Variants in CYP19A1 observed in about 807,000 individuals in gnomAD.
CYP19A1 encodes cytochrome P450 family 19 subfamily A member 1, also known as aromatase.
In CYP19A1, 32 loss-of-function variants were observed where a neutral mutation model predicts 44.4. That is an observed-to-expected ratio of 0.72 (90% CI 0.54 to 0.97). CYP19A1 has a LOEUF of 0.97. Among genes scored for constraint, CYP19A1 ranks in the 50% least tolerant of loss-of-function variants. The pLI is 0.00. For missense variants in CYP19A1, 598 were observed against 637.8 expected, an observed-to-expected ratio of 0.94 and a Z score of 0.67; for synonymous variants, 212 against 215.6, an observed-to-expected ratio of 0.98 and a Z score of 0.14.
intron 1 of CYP19A1, among the ~76,000 whole-genome samples, chr15:51,335,268 C>CA (rs2036759041): frequency 6.6e-6 from 1 of 152,182 alleles, no homozygotes; most frequent in African/African-American, 2.4e-5. Context: ...AGCTCCACGT[C>CA]AAACAATGAG....
At chr15:51,285,064 G>A (rs2035651174) in intron 1 of CYP19A1, among the ~76,000 whole-genome samples, 1 of 152,230 alleles carries the variant, frequency 6.6e-6, no homozygotes, top group African/African-American at 2.4e-5. Flanking sequence ...ATAACATGGG[G>A]ACAGATCAAG....
rs989424694 is a variant in CYP19A1 at position 51,236,902 on chromosome 15, T to C, written c.253A>G (p.Met85Val). The C allele has an allele frequency of 3.1e-6, 5 of 1,614,220 alleles. No homozygotes were observed. The highest frequency in any genetic ancestry group is 2.5e-6 in the Non-Finnish European group (3 of 1,180,028). Residue 85 changes from methionine to valine, a missense_variant, in exon 3 of 10, where the codon ATG becomes GTG. Coordinates refer to ENST00000396402, the MANE Select transcript of CYP19A1 (RefSeq NM_000103.4). ...TCCTCTCCAGAGATCCAGACTCGCA[T>C]GAATTCTCCATATACCCGGTTGTAG... ...NYYNRVYGEFMRVWISGEETL... is the reference protein window; with the variant it reads ...NYYNRVYGEFVRVWISGEETL...
chr15:51,244,098 G>C (rs2033940526), intron 1 of CYP19A1, among the ~76,000 whole-genome samples: 1 of 152,214 alleles, frequency 6.6e-6, no homozygotes, highest in Admixed American at 6.5e-5. Context: ...TAAAATTCTA[G>C]ATTCACAGCC....
chr15:51,247,334 G>A (rs1480842440), intron 1 of CYP19A1, among the ~76,000 whole-genome samples: 1 of 152,080 alleles, frequency 6.6e-6, no homozygotes, highest in African/African-American at 2.4e-5. Context: ...TCTTCTCCAT[G>A]TCTGAAGCAC....
intron 1 of CYP19A1, among the ~76,000 whole-genome samples, chr15:51,335,888 C>T (rs1025912898): frequency 6.6e-6 from 1 of 152,234 alleles, no homozygotes; most frequent in African/African-American, 2.4e-5. Context: ...TTCACTCCCT[C>T]CTCCTTGCTC....
intron 7 of CYP19A1, 104 bp from the exon 8 acceptor site, chr15:51,215,336 A>G: frequency 7.8e-6 from 12 of 1,535,504 alleles, no homozygotes; most frequent in East Asian, 2.3e-5. Flanking sequence ...AAATGAAATC[A>G]TAGAAACCAC....
At chr15:51,283,717 A>G (rs1402083078) in intron 1 of CYP19A1, among the ~76,000 whole-genome samples, 1 of 152,232 alleles carries the variant, frequency 6.6e-6, no homozygotes, top group African/African-American at 2.4e-5. Context: ...CCCATTGTAA[A>G]AAAGGCAATC....
At chr15:51,279,558 C>T (rs1334811589) in intron 1 of CYP19A1, among the ~76,000 whole-genome samples, 1 of 152,204 alleles carries the variant, frequency 6.6e-6, no homozygotes, top group Non-Finnish European at 1.5e-5. Flanking sequence ...GAAATTTCCT[C>T]AGCAAGAGGA....
intron 1 of CYP19A1, among the ~76,000 whole-genome samples, chr15:51,264,538 A>G (rs1486171765): frequency 1.3e-5 from 2 of 152,188 alleles, no homozygotes; most frequent in African/African-American, 2.4e-5. Context: ...GTTGCCTGGA[A>G]GACACTAACA....
chr15:51,251,619 G>T (rs2034313562), intron 1 of CYP19A1, among the ~76,000 whole-genome samples: 2 of 152,168 alleles, frequency 1.3e-5, no homozygotes, highest in Admixed American at 6.5e-5. Flanking sequence ...AGCCTTTTAG[G>T]CCTGGGGTCA....
At chr15:51,298,500 C>G (rs2036044946) in intron 1 of CYP19A1, among the ~76,000 whole-genome samples, 1 of 152,164 alleles carries the variant, frequency 6.6e-6, no homozygotes, top group African/African-American at 2.4e-5. Context: ...AGCTAAGTGC[C>G]TCAGCCCTAA....
chr15:51,308,448 T>A (rs555281543), intron 1 of CYP19A1, among the ~76,000 whole-genome samples: 26 of 152,282 alleles, frequency 1.7e-4, no homozygotes, highest in African/African-American at 5.5e-4. Flanking sequence ...AAGAGGGGAA[T>A]AAGCACTTGA....
At chr15:51,221,725 G>C (rs6493488) in intron 5 of CYP19A1, 65,018 of 152,640 alleles carry the variant, frequency 0.43, 14,929 homozygotes, top group Non-Finnish European at 0.53. Flanking sequence ...TCATAGTGCG[G>C]AAAGTAGTCT....
At chr15:51,296,832 T>C (rs2036004722) in intron 1 of CYP19A1, among the ~76,000 whole-genome samples, 1 of 152,184 alleles carries the variant, frequency 6.6e-6, no homozygotes, top group Admixed American at 6.5e-5. Context: ...GAGCAATTGT[T>C]CTAAAACTAA....
chr15:51,304,949 G>T (rs1451305109), intron 1 of CYP19A1, among the ~76,000 whole-genome samples: 7 of 137,100 alleles, frequency 5.1e-5, no homozygotes, highest in Non-Finnish European at 1.1e-4. Flanking sequence ...ACCCAGGCTG[G>T]AGTGCAGTGG....
intron 1 of CYP19A1, among the ~76,000 whole-genome samples, chr15:51,307,885 A>G (rs2036242709): frequency 6.6e-6 from 1 of 152,220 alleles, no homozygotes; most frequent in Non-Finnish European, 1.5e-5. Flanking sequence ...GAAGGACCGG[A>G]GACACTAAAG....
intron 1 of CYP19A1, among the ~76,000 whole-genome samples, chr15:51,275,672 G>A (rs1188364469): frequency 6.6e-6 from 1 of 152,200 alleles, no homozygotes; most frequent in Non-Finnish European, 1.5e-5. Flanking sequence ...TAACTCAAGA[G>A]TGACTGCTCA....
intron 1 of CYP19A1, among the ~76,000 whole-genome samples, chr15:51,279,624 G>A (rs992003204): frequency 5.3e-5 from 8 of 152,290 alleles, no homozygotes; most frequent in East Asian, 1.9e-4. Flanking sequence ...CACATGCACC[G>A]ATGACATATA....
At chr15:51,263,198 A>G (rs1031408957) in intron 1 of CYP19A1, among the ~76,000 whole-genome samples, 3 of 152,102 alleles carry the variant, frequency 2.0e-5, no homozygotes, top group African/African-American at 4.8e-5. Flanking sequence ...CAAACAAAAA[A>G]CCCCTATTTT....
Sources: gnomAD v4.1 joint callset for allele counts (sites outside exome capture counted in the v4.1 genomes callset) on GRCh38, gnomAD v4.1.1 for gene constraint, MANE v1.5 for transcripts, NCBI Gene and HGNC (gene_info 2026-07-23, HGNC 2026-07-21) for gene names.